CSMD1: variants seen among roughly 807,000 people sequenced by gnomAD.
The protein encoded by CSMD1 is CUB and Sushi multiple domains 1.
Under a neutral mutation model 417.5 loss-of-function variants are expected in CSMD1, and 213 were observed. That is an observed-to-expected ratio of 0.51 (90% confidence interval 0.46 to 0.57). The LOEUF is 0.57. Ranked by LOEUF, CSMD1 falls within the 20% of genes least tolerant of loss-of-function variation. The probability of loss-of-function intolerance (pLI) is 0.00; values close to 1 mark genes in which losing one functional copy is unlikely to be tolerated. For synonymous variants in CSMD1, 2,862 were observed against 1,736.8 expected, an observed-to-expected ratio of 1.65 and a Z score of -16.11; for missense variants, 6,923 against 4,529.7, an observed-to-expected ratio of 1.53 and a Z score of -15.17.
chr8:4,407,425 C>G (rs1214111864), intron 3 of CSMD1, among the ~76,000 whole-genome samples: 1 of 152,136 alleles, frequency 6.6e-6, no homozygotes, highest in East Asian at 1.9e-4. Context: ...CAAATTCAAA[C>G]AATTGAATTA....
In CSMD1 at chr8:4,486,230, C is replaced by CAT. The variant is rs1207101853; in HGVS notation, c.303-66167_303-66166dup. On this transcript the variant is annotated intron_variant, in intron 2 of 69. Coordinates refer to ENST00000635120, the MANE Select transcript of CSMD1 (RefSeq NM_033225.6). ...ATATATATATATATATATATACATA[C>CAT]ATATATATATATATACATACATATA... Among the ~76,000 whole-genome samples the CAT allele has an allele frequency of 7.3e-4, 12 of 16,418 alleles. 1 individual carries two copies. Among genetic ancestry groups the CAT allele is most frequent in the Admixed American group, 1.6e-3 (2 of 1,286 alleles). The allele number at this position is 16,418 out of a possible 152,430, so 10.8% of individuals were successfully genotyped here.
At chr8:4,344,768 T>C (rs1002857188) in intron 3 of CSMD1, among the ~76,000 whole-genome samples, 1 of 152,120 alleles carries the variant, frequency 6.6e-6, no homozygotes, top group Non-Finnish European at 1.5e-5. Context: ...CCGTTGTAGA[T>C]AAAAACATGT....
At chr8:4,085,840 T>A (rs1800390697) in intron 3 of CSMD1, among the ~76,000 whole-genome samples, 2 of 152,292 alleles carry the variant, frequency 1.3e-5, no homozygotes, top group South Asian at 2.1e-4. Flanking sequence ...AAGTTCTGTG[T>A]CCCCAGAGTT....
At chr8:3,901,689 T>C (rs191503859) in intron 5 of CSMD1, among the ~76,000 whole-genome samples, 12 of 152,354 alleles carry the variant, frequency 7.9e-5, no homozygotes, top group Non-Finnish European at 1.5e-4. Flanking sequence ...TTAACAACTT[T>C]ATTAGATTTT....
intron 4 of CSMD1, among the ~76,000 whole-genome samples, chr8:4,030,556 C>T (rs1797290839): frequency 6.6e-6 from 1 of 152,136 alleles, no homozygotes; most frequent in Non-Finnish European, 1.5e-5. Context: ...CTTGGCCCGG[C>T]CCTCAAAACT....
intron 3 of CSMD1, among the ~76,000 whole-genome samples, chr8:4,281,391 C>CA (rs963323031): frequency 6.6e-6 from 1 of 151,978 alleles, no homozygotes; most frequent in East Asian, 1.9e-4. Flanking sequence ...GGTTTTTCAC[C>CA]AAAAAACAGC....
At chr8:4,939,912 T>C (rs1807871183) in intron 1 of CSMD1, among the ~76,000 whole-genome samples, 1 of 152,178 alleles carries the variant, frequency 6.6e-6, no homozygotes, top group African/African-American at 2.4e-5. Context: ...ACCATAAATA[T>C]ATATACAATT....
rs193078054 is a variant in CSMD1, at chr8:4,343,528, A to G, written c.415+76425T>C. Reference sequence around the variant, plus strand: ...CAATGCATATCAAATATCAAATTGTACAAGTTATATACAATGTTACTTGTC... The same window carrying G: ...CAATGCATATCAAATATCAAATTGTGCAAGTTATATACAATGTTACTTGTC... On this transcript the variant is annotated intron_variant, in intron 3 of 69. Transcript: ENST00000635120. Among the ~76,000 whole-genome samples, 168 of 152,238 alleles carry G rather than the reference A, an allele frequency of 1.1e-3. 1 individual carries two copies. Among genetic ancestry groups the G allele is most frequent in the Middle Eastern group, 3.4e-3 (1 of 294 alleles).
At chr8:4,325,522 T>C (rs1236079360) in intron 3 of CSMD1, among the ~76,000 whole-genome samples, 1 of 152,224 alleles carries the variant, frequency 6.6e-6, no homozygotes, top group African/African-American at 2.4e-5. Context: ...ATACTCACTT[T>C]GCATGAATAT....
At chr8:3,897,657 G>C (rs2627429) in intron 5 of CSMD1, among the ~76,000 whole-genome samples, 6 of 151,566 alleles carry the variant, frequency 4.0e-5, no homozygotes, top group Admixed American at 3.3e-4. Context: ...CACCATAATC[G>C]TTAATAATAG....
chr8:3,824,846 A>G (rs1585051010), intron 5 of CSMD1, among the ~76,000 whole-genome samples: 1 of 152,148 alleles, frequency 6.6e-6, no homozygotes, highest in African/African-American at 2.4e-5. Context: ...ATAAAATGAC[A>G]CAGGGTTTCA....
intron 3 of CSMD1, among the ~76,000 whole-genome samples, chr8:4,061,873 T>C (rs1482073258): frequency 1.3e-5 from 2 of 152,182 alleles, no homozygotes; most frequent in African/African-American, 2.4e-5. Flanking sequence ...TTCCATGACT[T>C]GACAACTTCT....
intron 1 of CSMD1, among the ~76,000 whole-genome samples, chr8:4,735,115 T>A (rs1012220832): frequency 6.6e-6 from 1 of 152,174 alleles, no homozygotes; most frequent in South Asian, 2.1e-4. Flanking sequence ...GAGCAAAAGG[T>A]ATTTTGGAGC....
chr8:3,959,699 T>A (rs1446005572), intron 5 of CSMD1, among the ~76,000 whole-genome samples: 1 of 152,220 alleles, frequency 6.6e-6, no homozygotes, highest in South Asian at 2.1e-4. Flanking sequence ...TTTCTTTATA[T>A]GATATACCTG....
At chr8:4,008,930 T>C (rs905960645) in intron 4 of CSMD1, among the ~76,000 whole-genome samples, 1 of 152,172 alleles carries the variant, frequency 6.6e-6, no homozygotes, top group Non-Finnish European at 1.5e-5. Context: ...TTTTCTAAAT[T>C]GTGCTCCTAT....
At chr8:4,912,359 CTTTT>C (rs10578105) in intron 1 of CSMD1, among the ~76,000 whole-genome samples, 3,773 of 148,270 alleles carry the variant, frequency 0.025, 125 homozygotes, top group African/African-American at 0.082. Context: ...TCATTTTCTG[CTTTT>C]TTTTTTTTTT....
At chr8:3,726,180 G>C (rs1802484327) in intron 6 of CSMD1, among the ~76,000 whole-genome samples, 1 of 152,094 alleles carries the variant, frequency 6.6e-6, no homozygotes, top group Admixed American at 6.6e-5. Context: ...ACACGAATCA[G>C]CTCTTGGAAC....
intron 2 of CSMD1, among the ~76,000 whole-genome samples, chr8:4,460,555 G>T (rs193071779): frequency 7.2e-5 from 11 of 152,088 alleles, no homozygotes; most frequent in African/African-American, 2.6e-4. Context: ...ACAAAATTAA[G>T]AATCTTTTGC....
chr8:3,213,037 C>T (rs1797701811), intron 30 of CSMD1, among the ~76,000 whole-genome samples: 1 of 151,778 alleles, frequency 6.6e-6, no homozygotes. Flanking sequence ...TCCATGTTAG[C>T]CATGGTCTCG....
Sources: gnomAD v4.1 joint callset for allele counts (sites outside exome capture counted in the v4.1 genomes callset) on GRCh38, gnomAD v4.1.1 for gene constraint, MANE v1.5 for transcripts, NCBI Gene and HGNC (gene_info 2026-07-23, HGNC 2026-07-21) for gene names.